Variants in MED14 observed in about 807,000 individuals in gnomAD.
MED14 encodes the protein mediator complex subunit 14.
In MED14, 8 loss-of-function variants were observed where a neutral mutation model predicts 109.0. The ratio of observed to expected loss-of-function variants is 0.07; its 90% CI spans 0.04 to 0.13. The LOEUF is 0.13. Ranked by LOEUF, MED14 falls within the 10% of genes least tolerant of loss-of-function variation. The pLI, the probability that MED14 is intolerant of heterozygous loss-of-function variation, is 1.00. For synonymous variants in MED14, 399 were observed against 408.7 expected (o/e 0.98, Z 0.29); for missense variants, 711 against 1,142.4 (o/e 0.62, Z 5.44).
intron 21 of MED14, 142 bp downstream of exon 21, chrX:40,679,722 G>A (rs1486568204): frequency 5.7e-6 from 3 of 524,674 alleles, no homozygotes; most frequent in Non-Finnish European, 6.1e-6. Context: ...TCAGAATGAC[G>A]TTATACAGAT....
chrX:40,682,821 T>C lies in MED14; in HGVS notation c.2218+15A>G. On this transcript the variant is annotated intron_variant, in intron 17 of 30. Coordinates refer to ENST00000324817, the MANE Select transcript of MED14 (RefSeq NM_004229.4). The stretch of plus-strand genomic sequence containing the variant: ...TCCAGAAATATGCAAAGACAAAATG[T>C]GTGAAACATCTCACCTTGCTCCCTA... 1.7e-6 allele frequency: 2 copies of C among 1,209,597 alleles called. No homozygotes were observed. The highest frequency in any genetic ancestry group is 2.2e-6 in the Non-Finnish European group (2 of 894,318).
At chrX:40,663,559 C>A (rs944600539) in intron 25 of MED14, among the ~76,000 whole-genome samples, 4 of 111,914 alleles carry the variant, frequency 3.6e-5, no homozygotes, top group Non-Finnish European at 5.6e-5. Context: ...AGTGTGAAAC[C>A]ACACAAAGCA....
rs995895708 is a variant in MED14 at position 40,648,562 on chromosome X, A to G, written c.*3244T>C. On this transcript the variant is annotated 3_prime_UTR_variant, in exon 31 of 31. Coordinates refer to ENST00000324817, the MANE Select transcript of MED14 (RefSeq NM_004229.4). ...CCATTTACTCATTTTTAAGAAGAGG[A>G]TATCAATAACCTACCACATTGGGTT... 2.7e-5 allele frequency: 3 copies of G among 112,435 alleles called. No individual in the cohort carries two copies. Among genetic ancestry groups the G allele is most frequent in the Admixed American group, 1.9e-4 (2 of 10,647 alleles). The allele number at this position is 112,435 out of a possible 1,213,427, so 9.3% of individuals were successfully genotyped here.
At chrX:40,723,190 A>T (rs1931778108) in intron 3 of MED14, among the ~76,000 whole-genome samples, 1 of 112,307 alleles carries the variant, frequency 8.9e-6, no homozygotes, top group African/African-American at 3.2e-5. Flanking sequence ...GAACTTTTGA[A>T]GACAATAAGA....
Position 40,682,755 on chromosome X carries a change from G to A in MED14, c.2219-6C>T. On this transcript the variant is annotated splice_polypyrimidine_tract_variant and splice_region_variant and intron_variant, in intron 17 of 30. Coordinates refer to ENST00000324817, the MANE Select transcript of MED14 (RefSeq NM_004229.4). Reference sequence around the variant, plus strand: ...GTAAACGTGCCGGGATGGTCCTACAGGATTAAAAGAGAATATTAATAGTAA... The same window carrying A: ...GTAAACGTGCCGGGATGGTCCTACAAGATTAAAAGAGAATATTAATAGTAA... 2 of 1,205,849 alleles carry A rather than the reference G, an allele frequency of 1.7e-6. No individual in the cohort carries two copies. Among genetic ancestry groups the A allele is most frequent in the Non-Finnish European group, 2.2e-6 (2 of 891,813 alleles).
chrX:40,716,016 A>G (rs1232368269), intron 3 of MED14, among the ~76,000 whole-genome samples: 1 of 110,731 alleles, frequency 9.0e-6, no homozygotes, highest in Non-Finnish European at 1.9e-5. Flanking sequence ...AAATAACTCC[A>G]TTTAAAAAAT....
intron 15 of MED14, among the ~76,000 whole-genome samples, chrX:40,689,368 C>A (rs2146668889): frequency 8.9e-6 from 1 of 111,839 alleles, no homozygotes; most frequent in East Asian, 2.8e-4. Context: ...TGGGCCAGCT[C>A]AAAAATGTTG....
Position 40,650,396 on chromosome X carries a change from G to A in MED14, c.*1410C>T. 1.2e-5 allele frequency: 9 copies of A among 751,980 alleles called. No homozygotes were observed. Among genetic ancestry groups the A allele is most frequent in the Non-Finnish European group, 1.4e-5 (9 of 637,039 alleles). The allele number at this position is 751,980 out of a possible 1,213,427, so 62.0% of individuals were successfully genotyped here. A position where few individuals can be genotyped will look rare whatever the true frequency, so the allele number is the denominator to read the frequency against. On this transcript the variant is annotated 3_prime_UTR_variant, in exon 31 of 31. Transcript: ENST00000324817. ...TGAAACTAGAATTTGATAGTTGATA[G>A]TTATAGAAGCTCAATTAAATCATCT... is the stretch of plus-strand genomic sequence containing the variant.
intron 23 of MED14, among the ~76,000 whole-genome samples, chrX:40,667,845 G>A (rs1244165057): frequency 9.0e-6 from 1 of 111,542 alleles, no homozygotes; most frequent in Non-Finnish European, 1.9e-5. Context: ...GGTAAATTCT[G>A]AAAATCAAGC....
intron 21 of MED14, among the ~76,000 whole-genome samples, chrX:40,675,731 G>A (rs1361872857): frequency 8.9e-6 from 1 of 112,043 alleles, no homozygotes; most frequent in African/African-American, 3.2e-5. Context: ...AAATTTCCCA[G>A]CTAGTGAGCC....
intron 13 of MED14, among the ~76,000 whole-genome samples, chrX:40,694,383 TA>T (rs1930649431): frequency 9.0e-6 from 1 of 111,557 alleles, no homozygotes; most frequent in Admixed American, 9.5e-5. Context: ...AAAAGTCCCC[TA>T]AATGCTTTAG....
At chrX:40,732,537 G>A (rs1342370016) in intron 1 of MED14, among the ~76,000 whole-genome samples, 2 of 101,372 alleles carry the variant, frequency 2.0e-5, no homozygotes, top group Non-Finnish European at 3.9e-5. Flanking sequence ...AAAAAGGTTT[G>A]GGAGGCAGAG....
At position 40,666,750 on chromosome X, in the gene MED14, C is replaced by T; in HGVS notation, c.3235G>A (p.Gly1079Arg). Residue 1079 changes from glycine to arginine, a missense_variant, in exon 24 of 31, where the codon GGA becomes AGA. By Grantham distance (125) the Gly-to-Arg change is moderately radical. This residue lies in a region of MED14 where 100 missense variants were observed against 147.5 expected (regional missense o/e 0.68). Coordinates refer to ENST00000324817, the MANE Select transcript of MED14 (RefSeq NM_004229.4). ...GGACTAGCAAAACTGGCCCCTGGTC[C>T]TATTGAGATTCCATGCGAGGATGGG... ...PPPSSHGISIGPGASFASPHG... is the reference protein window; with the variant it reads ...PPPSSHGISIRPGASFASPHG... The T allele has an allele frequency of 8.3e-7, 1 of 1,208,331 alleles. No homozygotes were observed. Among genetic ancestry groups the T allele is most frequent in the Non-Finnish European group, 1.1e-6 (1 of 893,690 alleles).
chrX:40,674,193 A>G (rs1408078753), intron 22 of MED14, among the ~76,000 whole-genome samples: 1 of 110,183 alleles, frequency 9.1e-6, no homozygotes, highest in Non-Finnish European at 1.9e-5. Context: ...AGAGCCCCGC[A>G]CCTCGGCTAC....
Position 40,692,281 on chromosome X carries a change from T to C in MED14, c.1882A>G (p.Thr628Ala), listed in dbSNP as rs1020133332. 4 of 1,200,070 alleles carry C rather than the reference T, an allele frequency of 3.3e-6. No individual in the cohort carries two copies. The highest frequency in any genetic ancestry group is 4.5e-6 in the Non-Finnish European group (4 of 885,674). ...DDPCPVESKK[T>A]KRAGEMCAFN... is the part of the protein sequence containing the mutation. ...GCACACATTTCTCCTGCTCGTTTTG[T>C]TTTCTTGGATTCTACTGGACATGGA... The change falls in exon 15 of 31, where the codon ACA becomes GCA. Residue 628 changes from threonine (T) to alanine (A), a missense_variant. Thr to Ala is a moderately conservative substitution (Grantham distance 58). This residue lies in a region of MED14 where 388 missense variants were observed against 517.3 expected (regional missense o/e 0.75). Coordinates refer to ENST00000324817, the MANE Select transcript of MED14 (RefSeq NM_004229.4).
At chrX:40,710,416 T>C (rs1931297347) in intron 8 of MED14, among the ~76,000 whole-genome samples, 1 of 112,205 alleles carries the variant, frequency 8.9e-6, no homozygotes, top group African/African-American at 3.2e-5. Context: ...TACTCACCTC[T>C]GACTCCTTTA....
chrX:40,689,588 G>A (rs886742220), intron 15 of MED14, among the ~76,000 whole-genome samples: 2 of 110,024 alleles, frequency 1.8e-5, no homozygotes, highest in Admixed American at 9.7e-5. Context: ...CTACTTGGGA[G>A]GCTGAGGCAG....
intron 13 of MED14, among the ~76,000 whole-genome samples, chrX:40,693,811 A>G (rs1365260793): frequency 9.0e-6 from 1 of 111,608 alleles, no homozygotes; most frequent in Non-Finnish European, 1.9e-5. Context: ...GACAGTTAAC[A>G]CTGATACAAA....
intron 26 of MED14, among the ~76,000 whole-genome samples, chrX:40,662,440 C>G (rs1929319764): frequency 9.1e-6 from 1 of 110,292 alleles, no homozygotes; most frequent in Non-Finnish European, 1.9e-5. Context: ...CTAGGGTGGT[C>G]TGGAACTCTT....
Sources: gnomAD v4.1 joint callset for allele counts (sites outside exome capture counted in the v4.1 genomes callset) on GRCh38, gnomAD v4.1.1 for gene constraint, gnomAD v4.1.1 regional missense constraint, MANE v1.5 for transcripts, NCBI Gene and HGNC (gene_info 2026-07-23, HGNC 2026-07-21) for gene names.